The following WDR26 variants were observed in gnomAD, a reference collection of about 807,000 sequenced individuals.
The protein encoded by WDR26 is WD repeat domain 26.
WDR26 carries 5 observed loss-of-function variants against 84.1 expected under a neutral mutation model. The observed-to-expected ratio is 0.06, with a 90% CI of 0.03 to 0.13. The LOEUF is 0.13. WDR26 is among the 10% of genes least tolerant of loss of function. The pLI, the probability that WDR26 is intolerant of heterozygous loss-of-function variation, is 1.00. For synonymous variants in WDR26, 415 were observed against 389.6 expected (o/e 1.07, Z -0.77); for missense variants, 642 against 974.9 (o/e 0.66, Z 4.55).
chr1:224,410,255 T>G (rs538660472), intron 7 of WDR26, among the ~76,000 whole-genome samples: 2 of 125,946 alleles, frequency 1.6e-5, no homozygotes, highest in East Asian at 2.2e-4. Flanking sequence ...CACTCCAGCC[T>G]GGGGGACAAG....
chr1:224,395,940 C>G (rs949032183), intron 12 of WDR26, among the ~76,000 whole-genome samples: 8 of 152,108 alleles, frequency 5.3e-5, no homozygotes, highest in Non-Finnish European at 1.5e-5. Context: ...AGTGGTATAA[C>G]TTTTTTGGGA....
chr1:224,395,768 G>A (rs1673243656), intron 12 of WDR26, among the ~76,000 whole-genome samples: 1 of 152,158 alleles, frequency 6.6e-6, no homozygotes, highest in South Asian at 2.1e-4. Flanking sequence ...AGCACATTTG[G>A]TGAAAGGCAG....
chr1:224,392,742 A>G (rs1457538088), intron 13 of WDR26, among the ~76,000 whole-genome samples: 1 of 152,098 alleles, frequency 6.6e-6, no homozygotes, highest in Non-Finnish European at 1.5e-5. Context: ...CTCTGATTGC[A>G]TATCCTTACC....
chr1:224,420,271 G>A (rs1481310698), intron 4 of WDR26, among the ~76,000 whole-genome samples: 6 of 152,200 alleles, frequency 3.9e-5, no homozygotes. Flanking sequence ...AAATGCTAAA[G>A]TTCACAGATT....
In WDR26 at chr1:224,434,617, C is replaced by CGCGCCGGGGG. The variant is rs1558453036; in HGVS notation, c.-222_-213dup. On this transcript the variant is annotated 5_prime_UTR_variant, in exon 1 of 14. Coordinates refer to ENST00000414423, the MANE Select transcript of WDR26 (RefSeq NM_001379403.1). ...AGCTCGGGGTGCGCGGCCCGGGGGT[C>CGCGCCGGGGG]GCGCCGGGGGGCGCCGCGGGGCGGC... 1.8e-6 allele frequency: 1 copy of CGCGCCGGGGG among 551,838 alleles called. No individual in the cohort carries two copies. Among genetic ancestry groups the CGCGCCGGGGG allele is most frequent in the Non-Finnish European group, 2.3e-6 (1 of 439,586 alleles). 34.2% of individuals were successfully genotyped at this position (551,838 alleles called of 1,614,324 possible). A position where few individuals can be genotyped will look rare whatever the true frequency, so the allele number is the denominator to read the frequency against.
chr1:224,419,783 A>G (rs1674007232), intron 4 of WDR26, among the ~76,000 whole-genome samples, 168 bp from the exon 5 acceptor site: 1 of 152,170 alleles, frequency 6.6e-6, no homozygotes, highest in Admixed American at 6.5e-5. Context: ...TATAATTACT[A>G]AAATGTAAAG....
In WDR26 at chr1:224,407,122, T is replaced by TA. The variant is rs1158264938; in HGVS notation, c.1459-2553dup. Among the ~76,000 whole-genome samples the TA allele has an allele frequency of 1.4e-3, 16 of 11,684 alleles. 1 individual carries two copies. Among genetic ancestry groups the TA allele is most frequent in the Admixed American group, 4.2e-3 (2 of 474 alleles). The allele number at this position is 11,684 out of a possible 152,430, so 7.7% of individuals were successfully genotyped here. ...GGGCGACACAGCGAGACTCTGTCTT[T>TA]AAAAAAAAAAAAAAAAAAAAAAAAA... is the stretch of plus-strand genomic sequence containing the variant. On this transcript the variant is annotated intron_variant, in intron 7 of 13. Transcript: ENST00000414423.
chr1:224,390,158 A>T (rs1673085256), intron 13 of WDR26, among the ~76,000 whole-genome samples: 1 of 152,048 alleles, frequency 6.6e-6, no homozygotes, highest in Non-Finnish European at 1.5e-5. Context: ...ACAGGATCCC[A>T]CTCTGCTGCT....
chr1:224,434,108 T>C lies in WDR26; in HGVS notation c.298A>G (p.Ile100Val), dbSNP rs1351614597. 2 of 1,430,852 alleles carry C rather than the reference T, an allele frequency of 1.4e-6. No homozygotes were observed. The highest frequency in any genetic ancestry group is 1.8e-6 in the Non-Finnish European group (2 of 1,096,762). 88.6% of individuals were successfully genotyped at this position (1,430,852 alleles called of 1,614,324 possible). The change falls in exon 1 of 14, where the codon ATC (isoleucine) becomes GTC (valine). Residue 100 changes from isoleucine (I) to valine (V), a missense_variant. By Grantham distance (29) the Ile-to-Val change is conservative. Coordinates refer to ENST00000414423, the MANE Select transcript of WDR26 (RefSeq NM_001379403.1). ...CCTCCTGCCCCATTGGCCTGCATGATGCTGCCGCTGACCAGGCTGTGGCCG... is the reference window on the plus strand; with the variant it reads ...CCTCCTGCCCCATTGGCCTGCATGACGCTGCCGCTGACCAGGCTGTGGCCG...
rs139948021 is a variant in WDR26, at chr1:224,414,134, T to C, written c.1320-2569A>G. ...GCCTGTTTTTTTTTTTGAGACTGAG[T>C]TTCGCTTGTTGCCCAGGCTGGAATG... On this transcript the variant is annotated intron_variant, in intron 6 of 13. Coordinates refer to ENST00000414423, the MANE Select transcript of WDR26 (RefSeq NM_001379403.1). 2.8e-3 allele frequency among the ~76,000 whole-genome samples: 372 copies of C among 132,816 alleles called. 3 individuals carry two copies. Among genetic ancestry groups the C allele is most frequent in the Admixed American group, 9.0e-3 (112 of 12,506 alleles). The allele number at this position is 132,816 out of a possible 152,430, so 87.1% of individuals were successfully genotyped here.
chr1:224,396,722 G>T (rs906350349), intron 12 of WDR26, among the ~76,000 whole-genome samples: 4 of 152,164 alleles, frequency 2.6e-5, no homozygotes, highest in Admixed American at 2.6e-4. Flanking sequence ...ACTTCAGGAG[G>T]CTGAGGCAGG....
At chr1:224,401,690 G>GAAAAAAAAAAAAAAAAAAAAAAA (rs67543360) in intron 8 of WDR26, among the ~76,000 whole-genome samples, 3 of 84,036 alleles carry the variant, frequency 3.6e-5, no homozygotes, top group Non-Finnish European at 4.7e-5. Context: ...AAAAAAAAAA[G>GAAAAAAAAAAAAAAAAAAAAAAA]AAAAAAAAAA....
intron 7 of WDR26, among the ~76,000 whole-genome samples, chr1:224,405,211 C>A (rs1461602316): frequency 1.3e-5 from 2 of 152,130 alleles, no homozygotes; most frequent in Non-Finnish European, 2.9e-5. Flanking sequence ...TGGCTTCTTT[C>A]AGTTAGCATG....
In WDR26 at chr1:224,411,436, T is replaced by C. The variant is rs201360491; in HGVS notation, c.1449A>G (p.Gln483=). 1.1e-5 allele frequency: 17 copies of C among 1,609,336 alleles called. No individual in the cohort carries two copies. The highest frequency in any genetic ancestry group is 8.5e-5 in the Admixed American group (5 of 59,088). The change falls in exon 7 of 14, where the codon CAA becomes CAG. Residue 483 remains glutamine, a synonymous_variant. Coordinates refer to ENST00000414423, the MANE Select transcript of WDR26 (RefSeq NM_001379403.1). The stretch of plus-strand genomic sequence containing the variant: ...ATATTGGGGTACATACCGGATCAAC[T>C]TGCCATATGATAACTGTTGTATCTT...
chr1:224,434,178 C>CG lies in WDR26; in HGVS notation c.227dup (p.Ala77GlyfsTer15). 1 of 1,416,218 alleles carries CG rather than the reference C, an allele frequency of 7.1e-7. No homozygotes were observed. The highest frequency in any genetic ancestry group is 9.2e-7 in the Non-Finnish European group (1 of 1,089,974). The allele number at this position is 1,416,218 out of a possible 1,614,324, so 87.7% of individuals were successfully genotyped here. ...CAGCGGCGGCGGGAGGGGCAGCAGCCGGGGGAAGTCCCACCACTACCACCA... is the reference window on the plus strand; with the variant it reads ...CAGCGGCGGCGGGAGGGGCAGCAGCCGGGGGGAAGTCCCACCACTACCACCA... On this transcript the variant is annotated frameshift_variant, in exon 1 of 14. Coordinates refer to ENST00000414423, the MANE Select transcript of WDR26 (RefSeq NM_001379403.1). LOFTEE classifies it high-confidence loss of function.
At chr1:224,394,499 C>T (rs1673205974) in intron 12 of WDR26, among the ~76,000 whole-genome samples, 1 of 148,892 alleles carries the variant, frequency 6.7e-6, no homozygotes, top group Non-Finnish European at 1.5e-5. Flanking sequence ...GGGTATTCTG[C>T]TTATCCTTTT....
At chr1:224,395,463 G>A (rs894850280) in intron 12 of WDR26, among the ~76,000 whole-genome samples, 5 of 152,170 alleles carry the variant, frequency 3.3e-5, no homozygotes, top group African/African-American at 7.2e-5. Flanking sequence ...TAAAAAGCTG[G>A]AACTGTATCT....
At chr1:224,392,191 C>T (rs1673147179) in intron 13 of WDR26, among the ~76,000 whole-genome samples, 1 of 152,026 alleles carries the variant, frequency 6.6e-6, no homozygotes, top group Non-Finnish European at 1.5e-5. Context: ...GAAACCCCGT[C>T]TCTACTAAAA....
intron 12 of WDR26, chr1:224,397,645 GAACT>G (rs1314787030): frequency 1.3e-5 from 2 of 152,964 alleles, no homozygotes; most frequent in Admixed American, 6.6e-5. Context: ...AAATACTGAA[GAACT>G]AACTATAGTC....
Sources: gnomAD v4.1 joint callset for allele counts (sites outside exome capture counted in the v4.1 genomes callset) on GRCh38, gnomAD v4.1.1 for gene constraint, MANE v1.5 for transcripts, NCBI Gene and HGNC (gene_info 2026-07-23, HGNC 2026-07-21) for gene names.